Variants in GRID2 observed in about 807,000 individuals in gnomAD.
GRID2 encodes the protein glutamate ionotropic receptor delta type subunit 2.
A neutral mutation model predicts 114.8 loss-of-function variants in GRID2; 33 were observed. That is an observed-to-expected ratio of 0.29 (90% CI 0.22 to 0.38). GRID2 has a LOEUF of 0.38. Ranked by LOEUF, GRID2 falls within the 10% of genes least tolerant of loss-of-function variation. The pLI, the probability that GRID2 is intolerant of heterozygous loss-of-function variation, is 1.00. For synonymous variants in GRID2, 505 were observed against 449.9 expected (o/e 1.12, Z -1.55); for missense variants, 1,184 against 1,257.7 (o/e 0.94, Z 0.89).
At chr4:93,547,737 A>G (rs982756268) in intron 13 of GRID2, among the ~76,000 whole-genome samples, 2 of 152,104 alleles carry the variant, frequency 1.3e-5, no homozygotes, top group Admixed American at 6.6e-5. Context: ...ATTCAAACCC[A>G]TGCAGTTTGA....
chr4:93,209,255 C>T (rs1184453110), intron 5 of GRID2, among the ~76,000 whole-genome samples: 1 of 152,004 alleles, frequency 6.6e-6, no homozygotes, highest in East Asian at 1.9e-4. Flanking sequence ...TTCCTACTCT[C>T]TTCCCTTCAG....
At chr4:92,759,787 TC>T (rs201104232) in intron 2 of GRID2, among the ~76,000 whole-genome samples, 1,644 of 150,194 alleles carry the variant, frequency 0.011, 31 homozygotes, top group African/African-American at 0.038. Flanking sequence ...TTCTTCTTCT[TC>T]TTTTTTTTTT....
intron 2 of GRID2, among the ~76,000 whole-genome samples, chr4:92,726,639 C>G (rs1736081999): frequency 6.6e-6 from 1 of 151,938 alleles, no homozygotes. Flanking sequence ...TTCAGTTAAA[C>G]AAAATTAATT....
intron 1 of GRID2, among the ~76,000 whole-genome samples, chr4:92,585,775 A>T (rs2149206820): frequency 6.6e-6 from 1 of 151,994 alleles, no homozygotes; most frequent in Middle Eastern, 3.4e-3. Context: ...AATTTATAAG[A>T]CACAAAATTT....
At chr4:92,823,414 T>A (rs1297147230) in intron 2 of GRID2, among the ~76,000 whole-genome samples, 1 of 152,154 alleles carries the variant, frequency 6.6e-6, no homozygotes, top group Non-Finnish European at 1.5e-5. Flanking sequence ...TAAAGGACAT[T>A]AATAACTTAT....
At chr4:93,048,125 C>T (rs146842009) in intron 2 of GRID2, among the ~76,000 whole-genome samples, 3 of 152,096 alleles carry the variant, frequency 2.0e-5, no homozygotes, top group Admixed American at 6.6e-5. Flanking sequence ...CTCAGGATGA[C>T]GGTGCCCCTG....
intron 4 of GRID2, among the ~76,000 whole-genome samples, chr4:93,164,206 G>A (rs1393186504): frequency 2.0e-5 from 3 of 152,020 alleles, no homozygotes; most frequent in South Asian, 2.1e-4. Context: ...GGGAAATACC[G>A]AACAATACAG....
chr4:93,011,521 G>A (rs1470621724), intron 2 of GRID2, among the ~76,000 whole-genome samples: 2 of 151,984 alleles, frequency 1.3e-5, no homozygotes, highest in African/African-American at 4.8e-5. Flanking sequence ...GGCTTTCCAG[G>A]AGCCCCCAGC....
chr4:92,941,019 T>C (rs1048392448), intron 2 of GRID2, among the ~76,000 whole-genome samples: 4 of 152,006 alleles, frequency 2.6e-5, no homozygotes, highest in Non-Finnish European at 4.4e-5. Flanking sequence ...GGATATTGGT[T>C]TAAAATTCTC....
intron 8 of GRID2, among the ~76,000 whole-genome samples, chr4:93,351,365 A>G (rs544149052): frequency 6.6e-6 from 1 of 152,196 alleles, no homozygotes; most frequent in African/African-American, 2.4e-5. Context: ...CATCTGATCC[A>G]CAGCTTTGCA....
At position 93,229,171 on chromosome 4, in the gene GRID2, T is replaced by A. The variant is rs969327726; in HGVS notation, c.1125+4396T>A. On this transcript the variant is annotated intron_variant, in intron 7 of 15. Transcript: ENST00000282020. ...AAAAATGGATTTTTAGAAAAAAAAA[T>A]TGGATTACTTTTTGCATCATATGAG... 4.6e-5 allele frequency among the ~76,000 whole-genome samples: 7 copies of A among 152,182 alleles called. No homozygotes were observed. The East Asian group carries it at 7.7e-4, about 17-fold the overall frequency.
intron 1 of GRID2, among the ~76,000 whole-genome samples, chr4:92,396,263 A>G (rs1266923599): frequency 6.6e-6 from 1 of 151,944 alleles, no homozygotes; most frequent in Non-Finnish European, 1.5e-5. Flanking sequence ...AAAACAATAG[A>G]ACTAAAGTGC....
At chr4:93,634,974 C>T (rs944199909) in intron 14 of GRID2, among the ~76,000 whole-genome samples, 1 of 151,932 alleles carries the variant, frequency 6.6e-6, no homozygotes, top group African/African-American at 2.4e-5. Flanking sequence ...TACAAGTTTG[C>T]ATCAGCTGTA....
chr4:92,587,570 A>G (rs1332069114), intron 1 of GRID2, among the ~76,000 whole-genome samples: 1 of 152,184 alleles, frequency 6.6e-6, no homozygotes, highest in Non-Finnish European at 1.5e-5. Flanking sequence ...TGAAGAAAAA[A>G]GTAAATAAAT....
chr4:93,238,628 T>G, intron 8 of GRID2, 138 bp downstream of exon 8: 52 of 553,304 alleles, frequency 9.4e-5, no homozygotes, highest in East Asian at 2.9e-4. Flanking sequence ...GAGGGGAAAT[T>G]AGGCATTGAA....
chr4:92,701,035 G>C (rs1216118297), intron 2 of GRID2, among the ~76,000 whole-genome samples: 1 of 151,738 alleles, frequency 6.6e-6, no homozygotes, highest in Non-Finnish European at 1.5e-5. Context: ...AGATAGAAGG[G>C]TTGAACAAAA....
At chr4:93,132,934 G>A (rs1303570686) in intron 4 of GRID2, among the ~76,000 whole-genome samples, 1 of 152,132 alleles carries the variant, frequency 6.6e-6, no homozygotes, top group Non-Finnish European at 1.5e-5. Flanking sequence ...TCAAGTTGTG[G>A]TACCTATTAG....
intron 2 of GRID2, among the ~76,000 whole-genome samples, chr4:92,676,212 G>T (rs1255863474): frequency 1.9e-5 from 2 of 107,100 alleles, no homozygotes; most frequent in South Asian, 3.2e-4. Flanking sequence ...ACAGAGTCTC[G>T]CTCTGTCGCC....
intron 2 of GRID2, among the ~76,000 whole-genome samples, chr4:92,713,008 TA>T (rs1735330822): frequency 6.6e-6 from 1 of 151,628 alleles, no homozygotes. Flanking sequence ...TTTTTTTTTT[TA>T]TTATACTTTA....
Sources: allele counts gnomAD v4.1 joint callset (sites outside exome capture counted in the v4.1 genomes callset), GRCh38; gene constraint gnomAD v4.1.1; transcripts MANE v1.5; gene names NCBI Gene and HGNC (gene_info 2026-07-23, HGNC 2026-07-21).